Variants in KTN1 observed in about 807,000 individuals in gnomAD.
The protein encoded by KTN1 is kinectin 1.
KTN1 carries 130 observed loss-of-function variants against 222.5 expected under a neutral mutation model. The observed-to-expected ratio is 0.58, with a 90% CI of 0.51 to 0.68. KTN1 has a LOEUF of 0.68. Among genes scored for constraint, KTN1 ranks in the 30% least tolerant of loss-of-function variants. The probability of loss-of-function intolerance (pLI) is 0.00; values close to 1 mark genes in which losing one functional copy is unlikely to be tolerated. For synonymous variants in KTN1, 512 were observed against 496.3 expected, an observed-to-expected ratio of 1.03 and a Z score of -0.42; for missense variants, 1,508 against 1,500.4, an observed-to-expected ratio of 1.01 and a Z score of -0.08.
At chr14:55,620,226 T>C (rs1222808169) in intron 5 of KTN1, among the ~76,000 whole-genome samples, 3 of 152,202 alleles carry the variant, frequency 2.0e-5, no homozygotes. Context: ...TCCGCCCCTG[T>C]GGCTTTACAG....
At position 55,671,636 on chromosome 14, in the gene KTN1, A is replaced by G; in HGVS notation, c.3419A>G (p.Lys1140Arg). 6.2e-7 allele frequency: 1 copy of G among 1,611,968 alleles called. No individual in the cohort carries two copies. The highest frequency in any genetic ancestry group is 8.5e-7 in the Non-Finnish European group (1 of 1,178,894). Residue 1140 changes from lysine (K) to arginine (R), a missense_variant, in exon 36 of 44, where the codon AAA (lysine) becomes AGA (arginine). Physicochemically the swap from Lys to Arg is conservative, Grantham distance 26. Transcript: ENST00000395314. ...TLLQLECEKYKSVLAETEGIL... is the reference protein window; with the variant it reads ...TLLQLECEKYRSVLAETEGIL... Reference sequence around the variant, plus strand: ...TTACAGCTAGAGTGTGAAAAATACAAATCCGTCCTTGCAGAAACAGTAGGA... The same window carrying G: ...TTACAGCTAGAGTGTGAAAAATACAGATCCGTCCTTGCAGAAACAGTAGGA...
intron 1 of KTN1, among the ~76,000 whole-genome samples, chr14:55,588,297 G>A (rs953425221): frequency 2.6e-5 from 4 of 152,128 alleles, no homozygotes; most frequent in African/African-American, 7.2e-5. Context: ...TATATCATCT[G>A]TAAGATGAAT....
chr14:55,649,745 AT>A lies in KTN1; in HGVS notation c.2368-29del, dbSNP rs750151823. 4 of 1,350,504 alleles carry A rather than the reference AT, an allele frequency of 3.0e-6. No homozygotes were observed. The South Asian group carries it at 5.1e-5, about 17-fold the overall frequency. 83.7% of individuals were successfully genotyped at this position (1,350,504 alleles called of 1,614,324 possible). On this transcript the variant is annotated intron_variant, in intron 21 of 43. Coordinates refer to ENST00000395314, the MANE Select transcript of KTN1 (RefSeq NM_001079521.2). ...TCTGACCCATTTCTATTTTGAACAA[AT>A]TACTAAGTAGGATACTTTCCTATTT...
intron 30 of KTN1, among the ~76,000 whole-genome samples, 186 bp from the exon 31 acceptor site, chr14:55,659,480 C>A (rs3765516): frequency 0.37 from 56,883 of 151,842 alleles, 10,731 homozygotes; most frequent in African/African-American, 0.42. Flanking sequence ...TTTAGCATTC[C>A]ATACATTTTA....
intron 1 of KTN1, among the ~76,000 whole-genome samples, chr14:55,610,384 C>T (rs34062701): frequency 0.13 from 20,270 of 152,060 alleles, 1,630 homozygotes; most frequent in East Asian, 0.25. Context: ...GTAAGTGTAC[C>T]TGTGCAGTTC....
intron 18 of KTN1, among the ~76,000 whole-genome samples, chr14:55,646,179 A>G (rs1273881537): frequency 6.6e-6 from 1 of 152,116 alleles, no homozygotes; most frequent in Non-Finnish European, 1.5e-5. Flanking sequence ...CTTACATGTC[A>G]TGTTCTAATG....
chr14:55,581,736 C>A (rs1040391605), intron 1 of KTN1, among the ~76,000 whole-genome samples: 1 of 152,014 alleles, frequency 6.6e-6, no homozygotes, highest in South Asian at 2.1e-4. Flanking sequence ...CAGTTTGGTC[C>A]GAAGCAATTG....
intron 1 of KTN1, among the ~76,000 whole-genome samples, chr14:55,606,448 A>G (rs190809547): frequency 6.6e-6 from 1 of 152,154 alleles, no homozygotes; most frequent in East Asian, 1.9e-4. Flanking sequence ...GTTTTTGCTA[A>G]TGGTTTTTTT....
intron 4 of KTN1, among the ~76,000 whole-genome samples, chr14:55,618,913 T>C (rs1178852700): frequency 7.7e-6 from 1 of 129,414 alleles, no homozygotes; most frequent in Non-Finnish European, 1.8e-5. Flanking sequence ...ACCTAAGTGA[T>C]TTTTTTTTAA....
In KTN1 at chr14:55,661,622, T is replaced by A; in HGVS notation, c.3090+10T>A. 1 of 1,425,980 alleles carries A rather than the reference T, an allele frequency of 7.0e-7. No individual in the cohort carries two copies. Among genetic ancestry groups the A allele is most frequent in the Non-Finnish European group, 9.9e-7 (1 of 1,014,276 alleles). 88.3% of individuals were successfully genotyped at this position (1,425,980 alleles called of 1,614,324 possible). On this transcript the variant is annotated intron_variant, in intron 32 of 43. Coordinates refer to ENST00000395314, the MANE Select transcript of KTN1 (RefSeq NM_001079521.2). ...GAGGAAGAAAAACAATGTAAGTAGA[T>A]CTTTATCAGAATGAAGCTTTTCTTT...
chr14:55,613,639 G>GTGTGCTACCACACCCAATTAATTTT, intron 2 of KTN1, among the ~76,000 whole-genome samples: 1 of 151,742 alleles, frequency 6.6e-6, no homozygotes, highest in South Asian at 2.1e-4. Context: ...AATTATAGGC[G>GTGTGCTACCACACCCAATTAATTTT]TGTATTTTTA....
chr14:55,580,601 C>T (rs936090202), intron 1 of KTN1, among the ~76,000 whole-genome samples: 5 of 151,768 alleles, frequency 3.3e-5, no homozygotes, highest in African/African-American at 1.2e-4. Context: ...CGGGGCCGCT[C>T]TGGGCCCGAC....
chr14:55,618,165 A>G (rs760320695), intron 4 of KTN1, 31 bp downstream of exon 4: 27 of 1,513,988 alleles, frequency 1.8e-5, no homozygotes, highest in Non-Finnish European at 2.4e-5. Context: ...TCTTTGTTGT[A>G]CTATAAAAAC....
At position 55,661,572 on chromosome 14, in the gene KTN1, C is replaced by T. The variant is rs2044146495; in HGVS notation, c.3050C>T (p.Ser1017Phe). 10 of 1,602,842 alleles carry T rather than the reference C, an allele frequency of 6.2e-6. No individual in the cohort carries two copies. Among genetic ancestry groups the T allele is most frequent in the Non-Finnish European group, 7.7e-6 (9 of 1,170,354 alleles). ...EISGLWNELD[S>F]LKDAVEHQRK... Reference sequence around the variant, plus strand: ...AGTGGTCTCTGGAATGAGTTAGATTCTTTGAAGGATGCAGTTGAACACCAG... The same window carrying T: ...AGTGGTCTCTGGAATGAGTTAGATTTTTTGAAGGATGCAGTTGAACACCAG... The change falls in exon 32 of 44, where the codon TCT becomes TTT. Residue 1017 changes from serine to phenylalanine, a missense_variant. Ser to Phe is a radical substitution (Grantham distance 155, BLOSUM62 -2). Transcript: ENST00000395314.
At chr14:55,644,551 A>T (rs2042107676) in intron 18 of KTN1, 2 of 486,844 alleles carry the variant, frequency 4.1e-6, no homozygotes, top group Admixed American at 7.0e-5. Context: ...TCATTTACTC[A>T]GAATAAGACT....
At position 55,646,460 on chromosome 14, in the gene KTN1, T is replaced by TTTCCTTTCCTTTCCTTTCCTTTCC. The variant is rs1595073348; in HGVS notation, c.2173-511_2173-510insCCTTTCCTTTCCTTTCCTTTCCTT. 1.1e-3 allele frequency among the ~76,000 whole-genome samples: 52 copies of TTTCCTTTCCTTTCCTTTCCTTTCC among 48,968 alleles called. 3 individuals are homozygous for TTTCCTTTCCTTTCCTTTCCTTTCC. Among genetic ancestry groups the TTTCCTTTCCTTTCCTTTCCTTTCC allele is most frequent in the East Asian group, 2.9e-3 (5 of 1,752 alleles). The allele number at this position is 48,968 out of a possible 152,430, so 32.1% of individuals were successfully genotyped here. A position where few individuals can be genotyped will look rare whatever the true frequency, so the allele number is the denominator to read the frequency against. ...CCTTTCCTTTTCCTTTTCCTTTTCC[T>TTTCCTTTCCTTTCCTTTCCTTTCC]TTTCCTTTCCTTTCCTTTCCTTTCC... On this transcript the variant is annotated intron_variant, in intron 18 of 43. Coordinates refer to ENST00000395314, the MANE Select transcript of KTN1 (RefSeq NM_001079521.2).
intron 33 of KTN1, 117 bp from the exon 34 acceptor site, chr14:55,667,124 A>AT (rs1192216094): frequency 1.2e-5 from 8 of 642,162 alleles, no homozygotes; most frequent in East Asian, 3.2e-5. Context: ...AGTATTAAAA[A>AT]TTTTTTTTAA....
chr14:55,604,800 A>G (rs749118511), intron 1 of KTN1, among the ~76,000 whole-genome samples: 1 of 151,980 alleles, frequency 6.6e-6, no homozygotes, highest in Non-Finnish European at 1.5e-5. Context: ...GTTTTGAAGG[A>G]TAGGTGGAGA....
At chr14:55,645,620 G>C (rs1018396559) in intron 18 of KTN1, among the ~76,000 whole-genome samples, 1 of 152,114 alleles carries the variant, frequency 6.6e-6, no homozygotes, top group South Asian at 2.1e-4. Context: ...TGCATGATTT[G>C]TTTTTCATAG....
Sources: allele counts gnomAD v4.1 joint callset (sites outside exome capture counted in the v4.1 genomes callset), GRCh38; gene constraint gnomAD v4.1.1; transcripts MANE v1.5; gene names NCBI Gene and HGNC (gene_info 2026-07-23, HGNC 2026-07-21).